Variants in GPR176 observed in about 807,000 individuals in gnomAD.
GPR176 encodes G protein-coupled receptor 176.
A neutral mutation model predicts 35.4 loss-of-function variants in GPR176; 26 were observed. That is an observed-to-expected ratio of 0.74 (90% CI 0.54 to 1.02). The LOEUF is 1.02. Ranked by LOEUF, GPR176 falls within the 50% of genes least tolerant of loss-of-function variation. The pLI is 0.00. For missense variants in GPR176, 597 were observed against 665.3 expected, an observed-to-expected ratio of 0.90 and a Z score of 1.13; for synonymous variants, 278 against 271.3, an observed-to-expected ratio of 1.02 and a Z score of -0.24.
Position 39,920,218 on chromosome 15 carries a change from G to T in GPR176, c.-192C>A, listed in dbSNP as rs1203411918. 9.8e-6 allele frequency: 4 copies of T among 407,576 alleles called. No homozygotes were observed. In the East Asian group the frequency reaches 1.1e-4, roughly 11 times the overall value. 25.2% of individuals were successfully genotyped at this position (407,576 alleles called of 1,614,324 possible). On this transcript the variant is annotated 5_prime_UTR_variant, in exon 1 of 3. Coordinates refer to ENST00000561100, the MANE Select transcript of GPR176 (RefSeq NM_007223.3). Reference sequence around the variant, plus strand: ...GGAGGCGGGGAGGGAGGGAGGCGCGGCTGCGCCCCATGCCCACTCCCTCCT... The same window carrying T: ...GGAGGCGGGGAGGGAGGGAGGCGCGTCTGCGCCCCATGCCCACTCCCTCCT...
At chr15:39,811,038 C>G (rs561428702) in intron 1 of GPR176, among the ~76,000 whole-genome samples, 1 of 152,100 alleles carries the variant, frequency 6.6e-6, no homozygotes, top group Non-Finnish European at 1.5e-5. Flanking sequence ...ACTAATATGC[C>G]AGGTAACAAC....
At chr15:39,891,387 C>A (rs998125436) in intron 1 of GPR176, among the ~76,000 whole-genome samples, 4 of 152,142 alleles carry the variant, frequency 2.6e-5, no homozygotes, top group Non-Finnish European at 4.4e-5. Context: ...AAGATGAGTT[C>A]TTGCTGTGTC....
At chr15:39,886,786 C>T (rs1300830990) in intron 1 of GPR176, among the ~76,000 whole-genome samples, 1 of 152,160 alleles carries the variant, frequency 6.6e-6, no homozygotes, top group Non-Finnish European at 1.5e-5. Flanking sequence ...AATGACAGAC[C>T]TGGGCCTGCT....
intron 1 of GPR176, among the ~76,000 whole-genome samples, chr15:39,881,980 A>G (rs77569852): frequency 1.1e-3 from 165 of 152,334 alleles, no homozygotes; most frequent in African/African-American, 3.8e-3. Context: ...AGCGTCAAAG[A>G]TTTCATAACA....
intron 1 of GPR176, among the ~76,000 whole-genome samples, chr15:39,831,664 C>A (rs1454222740): frequency 6.6e-6 from 1 of 152,100 alleles, no homozygotes; most frequent in Non-Finnish European, 1.5e-5. Flanking sequence ...CCCCTAAAAT[C>A]CTTCAATCTG....
intron 1 of GPR176, among the ~76,000 whole-genome samples, chr15:39,837,058 T>C (rs1335171996): frequency 6.6e-6 from 1 of 152,200 alleles, no homozygotes; most frequent in Non-Finnish European, 1.5e-5. Flanking sequence ...CTATTCAAAC[T>C]GATAACAAGA....
At chr15:39,819,463 T>C (rs1900125861) in intron 1 of GPR176, among the ~76,000 whole-genome samples, 1 of 152,208 alleles carries the variant, frequency 6.6e-6, no homozygotes. Flanking sequence ...CCTAAATAGA[T>C]GAATAAATTA....
At position 39,807,416 on chromosome 15, in the gene GPR176, C is replaced by T. The variant is rs890114232; in HGVS notation, c.173-158G>A. Among the ~76,000 whole-genome samples the T allele has an allele frequency of 1.4e-4, 21 of 152,120 alleles. 1 individual carries two copies. The highest frequency in any genetic ancestry group is 1.3e-3 in the Admixed American group (20 of 15,296). On this transcript the variant is annotated intron_variant, in intron 1 of 2. Coordinates refer to ENST00000561100, the MANE Select transcript of GPR176 (RefSeq NM_007223.3). The stretch of plus-strand genomic sequence containing the variant: ...ATATTAAAATTTAACATATATGATA[C>T]ATTACAGTCAATTTATGTGAAATTA...
chr15:39,874,415 T>C (rs2032163793), intron 1 of GPR176, among the ~76,000 whole-genome samples: 1 of 152,136 alleles, frequency 6.6e-6, no homozygotes, highest in African/African-American at 2.4e-5. Context: ...AATTGGCATC[T>C]TTTTTTTATA....
chr15:39,838,804 T>G (rs994986010), intron 1 of GPR176, among the ~76,000 whole-genome samples: 1 of 152,144 alleles, frequency 6.6e-6, no homozygotes, highest in Non-Finnish European at 1.5e-5. Context: ...ACCACTCCTA[T>G]TCAACATAGT....
At chr15:39,850,370 T>C (rs1015174524) in intron 1 of GPR176, among the ~76,000 whole-genome samples, 4 of 152,214 alleles carry the variant, frequency 2.6e-5, no homozygotes, top group African/African-American at 9.6e-5. Flanking sequence ...CTATACTTGA[T>C]GGTGAAAGAC....
chr15:39,892,974 TG>T (rs1291972966), intron 1 of GPR176, among the ~76,000 whole-genome samples: 1 of 152,260 alleles, frequency 6.6e-6, no homozygotes, highest in Admixed American at 6.5e-5. Flanking sequence ...CATTATTTCT[TG>T]ATTTAGTTAT....
At chr15:39,851,223 G>A (rs1566950888) in intron 1 of GPR176, among the ~76,000 whole-genome samples, 2 of 152,136 alleles carry the variant, frequency 1.3e-5, no homozygotes, top group African/African-American at 4.8e-5. Flanking sequence ...AAATTTGGAT[G>A]TAACTCATTG....
intron 1 of GPR176, among the ~76,000 whole-genome samples, chr15:39,860,381 G>A (rs2031512935): frequency 6.6e-6 from 1 of 152,226 alleles, no homozygotes. Flanking sequence ...CATACCCTTT[G>A]TGCATTCTCC....
chr15:39,899,875 A>G (rs1263195239), intron 1 of GPR176, among the ~76,000 whole-genome samples: 1 of 152,160 alleles, frequency 6.6e-6, no homozygotes, highest in African/African-American at 2.4e-5. Context: ...ATCATCCCCA[A>G]ATGGTTTTGA....
chr15:39,815,982 C>T (rs1323995683), intron 1 of GPR176, among the ~76,000 whole-genome samples: 2 of 152,148 alleles, frequency 1.3e-5, no homozygotes, highest in African/African-American at 4.8e-5. Context: ...AGGAGGAAAT[C>T]CTGTCATTTG....
At chr15:39,891,051 CAAT>C (rs1383094889) in intron 1 of GPR176, among the ~76,000 whole-genome samples, 2 of 152,032 alleles carry the variant, frequency 1.3e-5, no homozygotes, top group Non-Finnish European at 2.9e-5. Flanking sequence ...AGCTATGTAA[CAAT>C]GATGATAATA....
intron 1 of GPR176, among the ~76,000 whole-genome samples, chr15:39,881,744 G>C (rs780410799): frequency 1.6e-4 from 24 of 152,160 alleles, no homozygotes; most frequent in Non-Finnish European, 2.6e-4. Flanking sequence ...GCTCATTACA[G>C]TATAAACATA....
chr15:39,829,807 A>C (rs1409508818), intron 1 of GPR176, among the ~76,000 whole-genome samples: 1 of 152,156 alleles, frequency 6.6e-6, no homozygotes, highest in East Asian at 1.9e-4. Flanking sequence ...CTGAGTTGGC[A>C]TGAGTACAAC....
Sources: allele counts gnomAD v4.1 joint callset (sites outside exome capture counted in the v4.1 genomes callset), GRCh38; gene constraint gnomAD v4.1.1; transcripts MANE v1.5; gene names NCBI Gene and HGNC (gene_info 2026-07-23, HGNC 2026-07-21).